GRM5: variants seen among roughly 807,000 people sequenced by gnomAD.
GRM5 encodes the protein metabotropic glutamate receptor 5.
In GRM5, 19 loss-of-function variants were observed where a neutral mutation model predicts 83.1. The ratio of observed to expected loss-of-function variants is 0.23; its 90% confidence interval spans 0.16 to 0.34. GRM5 has a LOEUF of 0.34. Among genes scored for constraint, GRM5 ranks in the 10% least tolerant of loss-of-function variants. The pLI is 1.00. For missense variants in GRM5, 1,160 were observed against 1,588.3 expected (o/e 0.73, Z 4.58); for synonymous variants, 675 against 633.6 (o/e 1.07, Z -0.98).
intron 2 of GRM5, among the ~76,000 whole-genome samples, chr11:89,026,645 T>C (rs1941136927): frequency 1.3e-5 from 2 of 152,246 alleles, no homozygotes; most frequent in African/African-American, 4.8e-5. Context: ...TGAGATTCTA[T>C]ATATGAAAAT....
At chr11:89,033,261 C>A (rs1941305610) in intron 2 of GRM5, among the ~76,000 whole-genome samples, 1 of 151,858 alleles carries the variant, frequency 6.6e-6, no homozygotes, top group Non-Finnish European at 1.5e-5. Flanking sequence ...AAGGTCATCC[C>A]AAAGTGGAAA....
At chr11:89,038,934 A>C (rs1206149411) in intron 2 of GRM5, among the ~76,000 whole-genome samples, 1 of 152,198 alleles carries the variant, frequency 6.6e-6, no homozygotes, top group Non-Finnish European at 1.5e-5. Context: ...ACCTTATCAG[A>C]CTGTGTTATG....
chr11:89,031,937 T>G (rs1188014559), intron 2 of GRM5, among the ~76,000 whole-genome samples: 1 of 152,046 alleles, frequency 6.6e-6, no homozygotes, highest in Non-Finnish European at 1.5e-5. Flanking sequence ...AAACCATGGC[T>G]AGGCCAAAAC....
At chr11:89,011,184 T>A (rs1940686230) in intron 2 of GRM5, among the ~76,000 whole-genome samples, 1 of 152,214 alleles carries the variant, frequency 6.6e-6, no homozygotes, top group Non-Finnish European at 1.5e-5. Flanking sequence ...GCACTAGCCC[T>A]TTTTTCTTTC....
chr11:88,782,661 T>G (rs1025007934), intron 3 of GRM5, among the ~76,000 whole-genome samples: 1 of 152,142 alleles, frequency 6.6e-6, no homozygotes. Flanking sequence ...CTGTTATAAA[T>G]GAAGCTTTAA....
chr11:88,879,241 A>C (rs1222226405), intron 2 of GRM5, among the ~76,000 whole-genome samples: 2 of 152,106 alleles, frequency 1.3e-5, no homozygotes, highest in Non-Finnish European at 2.9e-5. Context: ...TTAAAATGTA[A>C]CATTTTCCTC....
intron 2 of GRM5, among the ~76,000 whole-genome samples, chr11:88,881,147 T>TA (rs200619763): frequency 1.9e-3 from 282 of 150,668 alleles, no homozygotes; most frequent in East Asian, 4.9e-3. Context: ...GCTTCAAATT[T>TA]AAAAAAAAAA....
chr11:88,604,996 G>A (rs775870952), intron 4 of GRM5, 32 bp from the exon 5 acceptor site: 3 of 1,586,146 alleles, frequency 1.9e-6, no homozygotes, highest in East Asian at 2.2e-5. Context: ...ATAGCTTTGA[G>A]GTACAAATCT....
intron 2 of GRM5, among the ~76,000 whole-genome samples, chr11:88,942,736 TA>T (rs60140632): frequency 9.3e-5 from 14 of 149,762 alleles, no homozygotes; most frequent in Non-Finnish European, 1.0e-4. Flanking sequence ...GTGTTTAAAT[TA>T]AAAAAAAAAT....
intron 4 of GRM5, among the ~76,000 whole-genome samples, chr11:88,608,502 A>G (rs1202176154): frequency 1.4e-5 from 2 of 146,526 alleles, no homozygotes; most frequent in African/African-American, 5.0e-5. Context: ...TATAAGCTCT[A>G]TGAAAACAGG....
At chr11:88,928,367 C>T (rs1233910325) in intron 2 of GRM5, among the ~76,000 whole-genome samples, 1 of 151,896 alleles carries the variant, frequency 6.6e-6, no homozygotes, top group African/African-American at 2.4e-5. Flanking sequence ...GTTGCGATAA[C>T]TGCAACTCCA....
intron 2 of GRM5, among the ~76,000 whole-genome samples, chr11:88,930,973 G>C (rs551383094): frequency 7.2e-5 from 11 of 152,144 alleles, no homozygotes; most frequent in African/African-American, 2.2e-4. Context: ...GATTGTAGTT[G>C]CTGATTTTAT....
chr11:88,615,283 A>T (rs1228698350), intron 4 of GRM5, among the ~76,000 whole-genome samples: 1 of 152,172 alleles, frequency 6.6e-6, no homozygotes, highest in African/African-American at 2.4e-5. Flanking sequence ...AAAAATAATA[A>T]TAATTGGAAA....
chr11:88,986,742 T>TTTG lies in GRM5; in HGVS notation c.661+60469_661+60470insCAA, dbSNP rs1370905323. Among the ~76,000 whole-genome samples the TTTG allele has an allele frequency of 3.5e-4, 52 of 149,782 alleles. 2 individuals carry two copies. Among genetic ancestry groups the TTTG allele is most frequent in the African/African-American group, 1.1e-3 (44 of 40,914 alleles). ...TTTATTTTTGCTTTTTTTTTTTTTT[T>TTTG]TTTTTGCACTCTTGGTATCATATCC... On this transcript the variant is annotated intron_variant, in intron 2 of 9. Transcript: ENST00000305447.
chr11:88,909,249 A>G (rs1176402049), intron 2 of GRM5, among the ~76,000 whole-genome samples: 5 of 152,094 alleles, frequency 3.3e-5, no homozygotes, highest in East Asian at 1.9e-4. Flanking sequence ...CTCTAGCCAA[A>G]CAACATTTAA....
chr11:88,633,217 T>C (rs1565163129), intron 4 of GRM5, among the ~76,000 whole-genome samples: 1 of 152,204 alleles, frequency 6.6e-6, no homozygotes. Context: ...GCTTTTCATT[T>C]TGCTCATTTT....
intron 3 of GRM5, among the ~76,000 whole-genome samples, chr11:88,805,112 C>A (rs11021376): frequency 0.017 from 2,515 of 152,236 alleles, 42 homozygotes; most frequent in East Asian, 0.067. Flanking sequence ...GACCTGGAGC[C>A]AGAGTTTCTG....
chr11:88,909,672 T>A (rs865892673), intron 2 of GRM5, among the ~76,000 whole-genome samples: 1 of 152,028 alleles, frequency 6.6e-6, no homozygotes, highest in South Asian at 2.1e-4. Context: ...TCCTCACTGG[T>A]ATCTCCAAGA....
intron 3 of GRM5, among the ~76,000 whole-genome samples, chr11:88,764,086 A>T (rs534552330): frequency 6.6e-6 from 1 of 151,870 alleles, no homozygotes; most frequent in South Asian, 2.1e-4. Context: ...CTGTTAGAAA[A>T]AAGAGACTTT....
Sources: gnomAD v4.1 joint callset for allele counts (sites outside exome capture counted in the v4.1 genomes callset) on GRCh38, gnomAD v4.1.1 for gene constraint, MANE v1.5 for transcripts, NCBI Gene and HGNC (gene_info 2026-07-23, HGNC 2026-07-21) for gene names.